GALM: variants seen among roughly 807,000 people sequenced by gnomAD.
The protein encoded by GALM is aldose 1-epimerase.
A neutral mutation model predicts 37.4 loss-of-function variants in GALM; 43 were observed. The ratio of observed to expected loss-of-function variants is 1.15; its 90% CI spans 0.90 to 1.48. The LOEUF (loss-of-function observed/expected upper bound fraction) is 1.48. GALM is among the 40% of genes most tolerant of loss of function. GALM has a pLI of 0.00. For synonymous variants in GALM, 199 were observed against 170.6 expected (o/e 1.17, Z -1.30); for missense variants, 456 against 419.1 (o/e 1.09, Z -0.77).
At chr2:38,703,066 ATATATATATATATATATATATATATAT>A (rs1665953460) in intron 4 of GALM, among the ~76,000 whole-genome samples, 1 of 2,954 alleles carries the variant, frequency 3.4e-4, no homozygotes, top group Non-Finnish European at 9.9e-4. Flanking sequence ...ATATATATAT[ATATATATATATATATATATATATATAT>A]TTTTTTTTTT....
At chr2:38,693,869 G>C (rs77066628) in intron 4 of GALM, among the ~76,000 whole-genome samples, 7,654 of 152,254 alleles carry the variant, frequency 0.05, 264 homozygotes, top group East Asian at 0.15. Flanking sequence ...GCACTCTACA[G>C]ATCTTACAAT....
chr2:38,714,080 G>A lies in GALM; in HGVS notation c.635-15476G>A, dbSNP rs551727683. Among the ~76,000 whole-genome samples, 11 of 152,164 alleles carry A rather than the reference G, an allele frequency of 7.2e-5. No individual in the cohort carries two copies. In the South Asian group the frequency reaches 2.3e-3, roughly 32 times the overall value. ...CTGGCATTTAGTAAGAGCTTTGTAA[G>A]TATTAACTATTATTAGTACCATCAT... On this transcript the variant is annotated intron_variant, in intron 4 of 6. Coordinates refer to ENST00000272252, the MANE Select transcript of GALM (RefSeq NM_138801.3).
chr2:38,678,512 A>G (rs1029661221), intron 2 of GALM, among the ~76,000 whole-genome samples: 5 of 152,206 alleles, frequency 3.3e-5, no homozygotes, highest in African/African-American at 1.2e-4. Context: ...AAAACTAGGT[A>G]GCAAGTTAAG....
chr2:38,670,397 G>A (rs2148423173), intron 1 of GALM, among the ~76,000 whole-genome samples: 1 of 152,286 alleles, frequency 6.6e-6, no homozygotes, highest in South Asian at 2.1e-4. Context: ...TAGAAAACCT[G>A]GGTTCAGAAG....
chr2:38,686,793 A>C (rs977453722), intron 3 of GALM, among the ~76,000 whole-genome samples: 2 of 152,232 alleles, frequency 1.3e-5, no homozygotes, highest in Non-Finnish European at 2.9e-5. Context: ...CTAAGGAGGC[A>C]GGCACCTAGG....
intron 6 of GALM, among the ~76,000 whole-genome samples, chr2:38,732,540 C>T (rs553351176): frequency 6.6e-6 from 1 of 152,210 alleles, no homozygotes. Flanking sequence ...GCTTCCATAT[C>T]GTCTCCTCCT....
At position 38,681,325 on chromosome 2, in the gene GALM, C is replaced by G. The variant is rs200877275; in HGVS notation, c.391C>G (p.Arg131Gly). The G allele has an allele frequency of 6.2e-7, 1 of 1,613,898 alleles. No homozygotes were observed. The highest frequency in any genetic ancestry group is 8.5e-7 in the Non-Finnish European group (1 of 1,180,024). The part of the protein sequence containing the change: ...RVLSNGVQFS[R>G]ISPDGEEGYP... ...GCTGTCAAATGGCGTCCAGTTCTCG[C>G]GCATCAGTCCAGATGGTGAAGAAGG... The change falls in exon 3 of 7, where the codon CGC becomes GGC. Residue 131 changes from arginine (R) to glycine (G), a missense_variant. Physicochemically the swap from Arg to Gly is moderately radical, Grantham distance 125. Transcript: ENST00000272252.
chr2:38,666,928 C>T (rs1306168115), intron 1 of GALM, among the ~76,000 whole-genome samples: 3 of 152,088 alleles, frequency 2.0e-5, no homozygotes. Context: ...ATCAGGTCTC[C>T]TACCAACTAG....
At chr2:38,715,058 T>A (rs1477251678) in intron 4 of GALM, among the ~76,000 whole-genome samples, 3 of 152,248 alleles carry the variant, frequency 2.0e-5, no homozygotes, top group Admixed American at 6.5e-5. Context: ...GGTGAATACA[T>A]ATTTACAATT....
chr2:38,707,518 G>C (rs1263816341), intron 4 of GALM, among the ~76,000 whole-genome samples: 1 of 152,186 alleles, frequency 6.6e-6, no homozygotes, highest in African/African-American at 2.4e-5. Context: ...AGTGGCAGGA[G>C]ACCTGGGAAC....
intron 4 of GALM, among the ~76,000 whole-genome samples, chr2:38,724,090 T>TAAA (rs1666437331): frequency 6.6e-6 from 1 of 152,166 alleles, no homozygotes; most frequent in South Asian, 2.1e-4. Context: ...AGCTAATTTT[T>TAAA]GTATTTTTAG....
chr2:38,673,301 G>A (rs1019401957), intron 1 of GALM, among the ~76,000 whole-genome samples: 2 of 152,132 alleles, frequency 1.3e-5, no homozygotes, highest in African/African-American at 4.8e-5. Flanking sequence ...GAGTACCACG[G>A]GAAAAGGGAA....
chr2:38,673,427 T>C (rs113504153), intron 1 of GALM, among the ~76,000 whole-genome samples: 9,161 of 152,202 alleles, frequency 0.06, 369 homozygotes, highest in Middle Eastern at 0.092. Context: ...CAGAGGAATT[T>C]AAAGAGAAGA....
chr2:38,694,393 C>T (rs1193786246), intron 4 of GALM, among the ~76,000 whole-genome samples: 1 of 152,136 alleles, frequency 6.6e-6, no homozygotes, highest in Non-Finnish European at 1.5e-5. Context: ...CCTCCCCAGT[C>T]CTCTCACTGT....
intron 4 of GALM, among the ~76,000 whole-genome samples, chr2:38,697,372 T>G (rs534514565): frequency 1.3e-5 from 2 of 152,204 alleles, no homozygotes; most frequent in Non-Finnish European, 1.5e-5. Context: ...TGTATCTTTC[T>G]GCAAGACAAA....
At chr2:38,726,793 G>C (rs1173059657) in intron 4 of GALM, among the ~76,000 whole-genome samples, 1 of 151,972 alleles carries the variant, frequency 6.6e-6, no homozygotes, top group Admixed American at 6.6e-5. Context: ...CTACTTGGGA[G>C]GCTGAGGCAG....
intron 4 of GALM, among the ~76,000 whole-genome samples, chr2:38,691,855 T>A (rs1386925298): frequency 2.0e-5 from 3 of 152,060 alleles, no homozygotes; most frequent in Non-Finnish European, 4.4e-5. Context: ...TATGTTGAAT[T>A]TATGTAGCTT....
chr2:38,677,453 C>G (rs764627263), intron 2 of GALM, among the ~76,000 whole-genome samples: 1 of 152,176 alleles, frequency 6.6e-6, no homozygotes, highest in South Asian at 2.1e-4. Flanking sequence ...TGATGGGATT[C>G]TTCATGCCAG....
intron 4 of GALM, among the ~76,000 whole-genome samples, chr2:38,693,512 A>G (rs1665733013): frequency 6.6e-6 from 1 of 151,840 alleles, no homozygotes; most frequent in South Asian, 2.1e-4. Context: ...GAGAGAGAAA[A>G]TAACCTGTTA....
Sources: allele counts gnomAD v4.1 joint callset (sites outside exome capture counted in the v4.1 genomes callset), GRCh38; gene constraint gnomAD v4.1.1; transcripts MANE v1.5; gene names NCBI Gene and HGNC (gene_info 2026-07-23, HGNC 2026-07-21).